Variants in GHSR observed in about 807,000 individuals in gnomAD.
The protein encoded by GHSR is growth hormone secretagogue receptor type 1.
In GHSR, 17 loss-of-function variants were observed where a neutral mutation model predicts 24.0. The observed-to-expected ratio is 0.71, with a 90% confidence interval of 0.49 to 1.06. The LOEUF (loss-of-function observed/expected upper bound fraction) is 1.06. Ranked by LOEUF, GHSR falls within the 50% of genes least tolerant of loss-of-function variation. The pLI is 0.00. For missense variants in GHSR, 504 were observed against 483.1 expected (o/e 1.04, Z -0.41); for synonymous variants, 238 against 208.1 (o/e 1.14, Z -1.24).
In GHSR at chr3:172,447,688, C is replaced by T; in HGVS notation, c.726G>A (p.Arg242=). ...CACCCACGACAGCATCGCCGCGCCTCCTCCGCCACAGCTTCCTGCCGATGA... is the reference window on the plus strand; with the variant it reads ...CACCCACGACAGCATCGCCGCGCCTTCTCCGCCACAGCTTCCTGCCGATGA... ...YSLIGRKLWR[R]RRGDAVVGAS... The change falls in exon 1 of 2, where the codon AGG becomes AGA. Residue 242 remains arginine, a synonymous_variant. Transcript: ENST00000241256. The T allele has an allele frequency of 6.2e-7, 1 of 1,614,080 alleles. No individual in the cohort carries two copies. Among genetic ancestry groups the T allele is most frequent in the Non-Finnish European group, 8.5e-7 (1 of 1,180,032 alleles).
At chr3:172,447,584 G>A (rs1385908597) in intron 1 of GHSR, 34 bp downstream of exon 1, 2 of 1,612,192 alleles carry the variant, frequency 1.2e-6, no homozygotes, top group Admixed American at 3.3e-5. Context: ...GATAGGACCC[G>A]CGAGAGAAAG....
At chr3:172,445,916 A>T (rs1452994692) in intron 1 of GHSR, among the ~76,000 whole-genome samples, 2 of 151,814 alleles carry the variant, frequency 1.3e-5, no homozygotes, top group Non-Finnish European at 1.5e-5. Context: ...TAAGAGGGCG[A>T]TCAGGACATA....
At position 172,448,015 on chromosome 3, in the gene GHSR, G is replaced by A; in HGVS notation, c.399C>T (p.Thr133=). 2 of 1,614,222 alleles carry A rather than the reference G, an allele frequency of 1.2e-6. No homozygotes were observed. Among genetic ancestry groups the A allele is most frequent in the South Asian group, 2.2e-5 (2 of 91,082 alleles). ...AGCGCTCGACGCTCAGCGCTGTGAT[G>A]GTGAGCACCGTGGCGTAGGTGCAGC... ...SESCTYATVL[T]ITALSVERYF... is the part of the protein sequence containing the mutation. The change falls in exon 1 of 2, where the codon ACC becomes ACT. Residue 133 remains threonine (T), a synonymous_variant. Coordinates refer to ENST00000241256, the MANE Select transcript of GHSR (RefSeq NM_198407.2). This position sits in a 1 kb window ranked among gnomAD's most constrained non-coding sequence, Gnocchi z 4.8.
Position 172,445,320 on chromosome 3 carries a change from G to A in GHSR, c.942C>T (p.Leu314=), listed in dbSNP as rs748587895. The A allele has an allele frequency of 1.2e-5, 20 of 1,614,044 alleles. No individual in the cohort carries two copies. The highest frequency in any genetic ancestry group is 1.7e-5 in the Non-Finnish European group (20 of 1,180,034). ...CNLVSFVLFY[L]SAAINPILYN... ...ACAGAATGGGGTTGATGGCAGCACT[G>A]AGGTAGAAGAGGACAAAGGACACGA... is the stretch of plus-strand genomic sequence containing the variant. The change falls in exon 2 of 2, where the codon CTC becomes CTT. Residue 314 remains leucine, a synonymous_variant. Transcript: ENST00000241256.
rs1207859756 is a variant in GHSR, at chr3:172,445,169, T to C, written c.1093A>G (p.Asn365Asp). Residue 365 changes from asparagine to aspartate, a missense_variant, in exon 2 of 2, where the codon AAT becomes GAT. Coordinates refer to ENST00000241256, the MANE Select transcript of GHSR (RefSeq NM_198407.2). The part of the protein sequence containing the change: ...SSRAWTESSI[N>D]T ...ACTCGCAATGTGCTAGGTCATGTAT[T>C]AATACTAGATTCTGTCCAGGCCCGA... is the stretch of plus-strand genomic sequence containing the variant. The C allele has an allele frequency of 3.1e-6, 5 of 1,614,058 alleles. No individual in the cohort carries two copies. Among genetic ancestry groups the C allele is most frequent in the Non-Finnish European group, 8.5e-7 (1 of 1,180,034 alleles).
In GHSR at chr3:172,445,283, A is replaced by G; in HGVS notation, c.979T>C (p.Ser327Pro). ...AACACTGCCACCCGGTACTTCTTGGACATGATGTTGTACAGAATGGGGTTG... is the reference window on the plus strand; with the variant it reads ...AACACTGCCACCCGGTACTTCTTGGGCATGATGTTGTACAGAATGGGGTTG... ...AINPILYNIM[S>P]KKYRVAVFRL... The change falls in exon 2 of 2, where the codon TCC becomes CCC. Residue 327 changes from serine to proline, a missense_variant. Physicochemically the swap from Ser to Pro is moderately conservative, Grantham distance 74 (BLOSUM62 -1). Coordinates refer to ENST00000241256, the MANE Select transcript of GHSR (RefSeq NM_198407.2). 6.2e-7 allele frequency: 1 copy of G among 1,614,144 alleles called. No individual in the cohort carries two copies. The highest frequency in any genetic ancestry group is 1.1e-5 in the South Asian group (1 of 91,082).
Position 172,448,402 on chromosome 3 carries a change from C to G in GHSR, c.12G>C (p.Ala4=), listed in dbSNP as rs754745493. 5.6e-6 allele frequency: 9 copies of G among 1,594,330 alleles called. No individual in the cohort carries two copies. The South Asian group carries it at 1.0e-4, about 18-fold the overall frequency. The change falls in exon 1 of 2, where the codon GCG becomes GCC. Residue 4 remains alanine (A), a synonymous_variant. Transcript: ENST00000241256. This position sits in a 1 kb window ranked among gnomAD's most constrained non-coding sequence, Gnocchi z 4.8. ...TGAACCCCGGCTCTTCGCTGGGCGTCGCGTTCCACATGCTGCCGGCTCAGC... is the reference window on the plus strand; with the variant it reads ...TGAACCCCGGCTCTTCGCTGGGCGTGGCGTTCCACATGCTGCCGGCTCAGC... The part of the protein sequence containing the change: MWN[A]TPSEEPGFNL...
intron 1 of GHSR, among the ~76,000 whole-genome samples, chr3:172,446,456 C>G (rs1016622801): frequency 6.6e-6 from 1 of 152,150 alleles, no homozygotes; most frequent in Non-Finnish European, 1.5e-5. Flanking sequence ...AAAATAAAAT[C>G]TTTGACATTC....
Position 172,448,011 on chromosome 3 carries a change from T to C in GHSR, c.403A>G (p.Thr135Ala). The change falls in exon 1 of 2, where the codon ACA becomes GCA. Residue 135 changes from threonine to alanine, a missense_variant. Thr to Ala is a moderately conservative substitution (Grantham distance 58, BLOSUM62 0). Coordinates refer to ENST00000241256, the MANE Select transcript of GHSR (RefSeq NM_198407.2). The surrounding 1 kb of genome is among the most constrained non-coding windows in gnomAD (Gnocchi z 4.8). ...AAGTAGCGCTCGACGCTCAGCGCTGTGATGGTGAGCACCGTGGCGTAGGTG... is the reference window on the plus strand; with the variant it reads ...AAGTAGCGCTCGACGCTCAGCGCTGCGATGGTGAGCACCGTGGCGTAGGTG... Reference protein sequence around the residue: ...SCTYATVLTITALSVERYFAI... With the variant: ...SCTYATVLTIAALSVERYFAI... 3 of 1,614,134 alleles carry C rather than the reference T, an allele frequency of 1.9e-6. No individual in the cohort carries two copies. The highest frequency in any genetic ancestry group is 1.7e-6 in the Non-Finnish European group (2 of 1,180,012).
At position 172,445,391 on chromosome 3, in the gene GHSR, C is replaced by G. The variant is rs765204980; in HGVS notation, c.871G>C (p.Glu291Gln). Residue 291 changes from glutamate (E) to glutamine (Q), a missense_variant, in exon 2 of 2, where the codon GAG becomes CAG. By Grantham distance (29) the Glu-to-Gln change is conservative (BLOSUM62 2). Coordinates refer to ENST00000241256, the MANE Select transcript of GHSR (RefSeq NM_198407.2). Reference sequence around the variant, plus strand: ...TGAGCAATCTCCAAGGAGCCAGGCTCAAAGGATTTGGAAAATAAATATCGC... The same window carrying G: ...TGAGCAATCTCCAAGGAGCCAGGCTGAAAGGATTTGGAAAATAAATATCGC... ...VGRYLFSKSF[E>Q]PGSLEIAQIS... 6.2e-7 allele frequency: 1 copy of G among 1,614,104 alleles called. No individual in the cohort carries two copies. The highest frequency in any genetic ancestry group is 1.1e-5 in the South Asian group (1 of 91,066).
rs1359510022 is a variant in GHSR, at chr3:172,447,781, C to A, written c.633G>T (p.Thr211=). 1.9e-6 allele frequency: 3 copies of A among 1,614,088 alleles called. No individual in the cohort carries two copies. The highest frequency in any genetic ancestry group is 1.7e-6 in the Non-Finnish European group (2 of 1,180,036). ...TEFAVRSGLL[T]VMVWVSSIFF... ...AGATGCTGGACACCCACACCATGAC[C>A]GTGAGCAGTCCAGAGCGCACCGCAA... Residue 211 remains threonine, a synonymous_variant, in exon 1 of 2, where the codon ACG becomes ACT. Coordinates refer to ENST00000241256, the MANE Select transcript of GHSR (RefSeq NM_198407.2).
At position 172,448,093 on chromosome 3, in the gene GHSR, C is replaced by G. The variant is rs756144492; in HGVS notation, c.321G>C (p.Arg107=). The G allele has an allele frequency of 5.0e-6, 8 of 1,614,214 alleles. No homozygotes were observed. The South Asian group carries it at 8.8e-5, about 18-fold the overall frequency. ...AGAGGAGGTCGCCGAAGTTCCAGGG[C>G]CGGTACTGCCAGAGGCGAACGAGGT... is the stretch of plus-strand genomic sequence containing the variant. The part of the protein sequence containing the change: ...PLDLVRLWQY[R]PWNFGDLLCK... The change falls in exon 1 of 2, where the codon CGG becomes CGC. Residue 107 remains arginine, a synonymous_variant. Transcript: ENST00000241256. This position sits in a 1 kb window ranked among gnomAD's most constrained non-coding sequence, Gnocchi z 4.8.
chr3:172,448,195 C>A lies in GHSR; in HGVS notation c.219G>T (p.Glu73Asp), dbSNP rs896390704. Reference protein sequence around the residue: ...LTMLVVSRFRELRTTTNLYLS... With the variant: ...LTMLVVSRFRDLRTTTNLYLS... ...GGTAGAGGTTGGTGGTGGTGCGCAGCTCGCGGAAGCGCGACACCACCAGCA... is the reference window on the plus strand; with the variant it reads ...GGTAGAGGTTGGTGGTGGTGCGCAGATCGCGGAAGCGCGACACCACCAGCA... Residue 73 changes from glutamate to aspartate, a missense_variant, in exon 1 of 2, where the codon GAG becomes GAT. Transcript: ENST00000241256. This position sits in a 1 kb window ranked among gnomAD's most constrained non-coding sequence, Gnocchi z 4.8. 6.8e-6 allele frequency: 11 copies of A among 1,614,082 alleles called. No homozygotes were observed. In the African/African-American group the frequency reaches 1.3e-4, roughly 20 times the overall value.
chr3:172,446,343 C>T (rs1737463492), intron 1 of GHSR, among the ~76,000 whole-genome samples: 1 of 152,156 alleles, frequency 6.6e-6, no homozygotes, highest in African/African-American at 2.4e-5. Flanking sequence ...AACTTAACTG[C>T]CACAGTAACA....
chr3:172,448,419 C>G lies in GHSR; in HGVS notation c.-6G>C, dbSNP rs755709287. ...CTGGGCGTCGCGTTCCACATGCTGC[C>G]GGCTCAGCTGAACAGGCTCTGGGAC... is the stretch of plus-strand genomic sequence containing the variant. On this transcript the variant is annotated 5_prime_UTR_variant, in exon 1 of 2. Transcript: ENST00000241256. The surrounding 1 kb of genome is among the most constrained non-coding windows in gnomAD (Gnocchi z 4.8). 1 of 1,587,650 alleles carries G rather than the reference C, an allele frequency of 6.3e-7. No homozygotes were observed.
chr3:172,447,526 G>A (rs1454471744), intron 1 of GHSR, 92 bp downstream of exon 1: 1 of 1,564,348 alleles, frequency 6.4e-7, no homozygotes, highest in South Asian at 1.2e-5. Flanking sequence ...CGACTCAGGG[G>A]GAAATAGAGA....
chr3:172,447,045 G>A (rs927730679), intron 1 of GHSR, among the ~76,000 whole-genome samples: 1 of 152,180 alleles, frequency 6.6e-6, no homozygotes, highest in South Asian at 2.1e-4. Context: ...AAAGAAAAAT[G>A]AATAATCTCT....
Position 172,448,224 on chromosome 3 carries a change from T to C in GHSR, c.190A>G (p.Thr64Ala). Residue 64 changes from threonine to alanine, a missense_variant, in exon 1 of 2, where the codon ACC becomes GCC. Transcript: ENST00000241256. This position sits in a 1 kb window ranked among gnomAD's most constrained non-coding sequence, Gnocchi z 4.8. ...FVVGIAGNLL[T>A]MLVVSRFREL... The stretch of plus-strand genomic sequence containing the variant: ...CGGAAGCGCGACACCACCAGCATGG[T>C]GAGCAGGTTGCCAGCGATGCCCACC... 1 of 1,614,052 alleles carries C rather than the reference T, an allele frequency of 6.2e-7. No individual in the cohort carries two copies. Among genetic ancestry groups the C allele is most frequent in the Non-Finnish European group, 8.5e-7 (1 of 1,180,002 alleles).
At chr3:172,447,536 A>T in intron 1 of GHSR, 82 bp downstream of exon 1, 1 of 1,577,608 alleles carries the variant, frequency 6.3e-7, no homozygotes, top group East Asian at 2.3e-5. Flanking sequence ...GGAAATAGAG[A>T]TGGAGACTCA....
Sources: gnomAD v4.1 joint callset for allele counts (sites outside exome capture counted in the v4.1 genomes callset) on GRCh38, gnomAD v4.1.1 for gene constraint, Gnocchi (gnomAD v3.1) non-coding constraint, MANE v1.5 for transcripts, NCBI Gene and HGNC (gene_info 2026-07-23, HGNC 2026-07-21) for gene names.